The following AMDHD2 variants were observed in gnomAD, a reference collection of about 807,000 sequenced individuals.
AMDHD2 encodes N-acetylglucosamine-6-phosphate deacetylase.
A neutral mutation model predicts 41.8 loss-of-function variants in AMDHD2; 24 were observed. That is an observed-to-expected ratio of 0.57 (90% CI 0.42 to 0.81). The LOEUF (loss-of-function observed/expected upper bound fraction) is 0.81, where lower values mean the gene tolerates loss of function less well. Among genes scored for constraint, AMDHD2 ranks in the 30% least tolerant of loss-of-function variants. AMDHD2 has a pLI of 0.00. For missense variants in AMDHD2, 540 were observed against 588.5 expected (o/e 0.92, Z 0.85); for synonymous variants, 332 against 255.5 (o/e 1.30, Z -2.85).
chr16:2,521,160 C>T, intron 3 of AMDHD2, 37 bp downstream of exon 3: 1 of 1,514,640 alleles, frequency 6.6e-7, no homozygotes, highest in Non-Finnish European at 8.9e-7. Flanking sequence ...GGAGGGGGCT[C>T]CCGGAGCAAC....
intron 3 of AMDHD2, among the ~76,000 whole-genome samples, chr16:2,521,920 G>A (rs2065944683): frequency 6.6e-6 from 1 of 151,992 alleles, no homozygotes; most frequent in Non-Finnish European, 1.5e-5. Context: ...AAGTAGCTGG[G>A]ACTACAGGTG....
intron 3 of AMDHD2, among the ~76,000 whole-genome samples, chr16:2,526,146 AGGCTGCCT>A (rs527411304): frequency 0.013 from 1,940 of 152,118 alleles, 35 homozygotes; most frequent in African/African-American, 0.041. Context: ...AGGCTTGCCC[AGGCTGCCT>A]GCTGACCTTG....
At position 2,531,413 on chromosome 16, in the gene AMDHD2, C is replaced by T. The variant is rs529981026; in HGVS notation, c.*1850C>T. On this transcript the variant is annotated 3_prime_UTR_variant, in exon 11 of 11. Transcript: ENST00000293971. ...TAAAATACATAACAAAAGTAACTAT[C>T]GTAACCTGAGCAGTTCTGTGACATG... is the stretch of plus-strand genomic sequence containing the variant. 5.2e-5 allele frequency: 26 copies of T among 497,770 alleles called. No homozygotes were observed. Among genetic ancestry groups the T allele is most frequent in the Non-Finnish European group, 6.2e-5 (17 of 273,402 alleles). 30.8% of individuals were successfully genotyped at this position (497,770 alleles called of 1,614,324 possible). A position where few individuals can be genotyped will look rare whatever the true frequency, so the allele number is the denominator to read the frequency against.
Position 2,528,330 on chromosome 16 carries a change from C to T in AMDHD2, c.812C>T (p.Thr271Met), listed in dbSNP as rs746426124. 3.0e-5 allele frequency: 49 copies of T among 1,612,712 alleles called. No homozygotes were observed. Among genetic ancestry groups the T allele is most frequent in the African/African-American group, 1.3e-4 (10 of 74,926 alleles). The change falls in exon 7 of 11, where the codon ACG (threonine) becomes ATG (methionine). Residue 271 changes from threonine to methionine, a missense_variant. Transcript: ENST00000293971. ...CIFYGMIADG[T>M]HTNPAALRIA... ...TTCTATGGGATGATTGCAGATGGCA[C>T]GCACACCAACCCCGCCGCCCTGCGG...
Position 2,528,241 on chromosome 16 carries a change from C to T in AMDHD2, c.723C>T (p.His241=), listed in dbSNP as rs369056805. 6 of 1,611,852 alleles carry T rather than the reference C, an allele frequency of 3.7e-6. No homozygotes were observed. In the African/African-American group the frequency reaches 8.0e-5, roughly 22 times the overall value. ...THLFNAMLPF[H]HRDPGIVGLL... is the part of the protein sequence containing the mutation. ...CTTCCCTCGCCCCTGCCCAGTTCCA[C>T]CACCGCGACCCAGGCATCGTGGGGC... The change falls in exon 7 of 11, where the codon CAC becomes CAT. Residue 241 remains histidine, a synonymous_variant. Coordinates refer to ENST00000293971, the MANE Select transcript of AMDHD2 (RefSeq NM_001330449.2).
Position 2,520,418 on chromosome 16 carries a change from C to T in AMDHD2, c.-41C>T. ...CGTCACTGGGCGCGGGATTTGGCCGCCGCGGGGCTCCGGAGCCGCTCGCTC... is the reference window on the plus strand; with the variant it reads ...CGTCACTGGGCGCGGGATTTGGCCGTCGCGGGGCTCCGGAGCCGCTCGCTC... On this transcript the variant is annotated 5_prime_UTR_variant, in exon 1 of 11. Transcript: ENST00000293971. 3.3e-6 allele frequency: 4 copies of T among 1,222,098 alleles called. No homozygotes were observed. The highest frequency in any genetic ancestry group is 3.1e-6 in the Non-Finnish European group (3 of 978,364). The allele number at this position is 1,222,098 out of a possible 1,614,324, so 75.7% of individuals were successfully genotyped here.
Position 2,520,918 on chromosome 16 carries a change from GC to G in AMDHD2, c.220+15del. On this transcript the variant is annotated intron_variant, in intron 2 of 10. Coordinates refer to ENST00000293971, the MANE Select transcript of AMDHD2 (RefSeq NM_001330449.2). ...GTGCAGATCAACGGTGCGGCCCGGG[GC>G]CGGCAGGGGAACCCAGGGGAGGAGC... The G allele has an allele frequency of 6.3e-7, 1 of 1,598,762 alleles. No homozygotes were observed. Among genetic ancestry groups the G allele is most frequent in the Non-Finnish European group, 8.5e-7 (1 of 1,170,128 alleles).
Position 2,531,067 on chromosome 16 carries a change from T to A in AMDHD2, c.*1504T>A, listed in dbSNP as rs2066089014. ...GCTTGCTGGCTGTCAGTGCTTGATG[T>A]GCCCATCCTCAGCTAAAACCCAGAG... On this transcript the variant is annotated 3_prime_UTR_variant, in exon 11 of 11. Coordinates refer to ENST00000293971, the MANE Select transcript of AMDHD2 (RefSeq NM_001330449.2). 6 of 1,589,382 alleles carry A rather than the reference T, an allele frequency of 3.8e-6. No homozygotes were observed. The highest frequency in any genetic ancestry group is 4.3e-6 in the Non-Finnish European group (5 of 1,163,618).
At position 2,528,675 on chromosome 16, in the gene AMDHD2, A is replaced by T; in HGVS notation, c.996A>T (p.Ile332=). 6.2e-7 allele frequency: 1 copy of T among 1,612,882 alleles called. No individual in the cohort carries two copies. The highest frequency in any genetic ancestry group is 8.5e-7 in the Non-Finnish European group (1 of 1,179,962). The change falls in exon 9 of 11, where the codon ATA becomes ATT. Residue 332 remains isoleucine, a synonymous_variant. Transcript: ENST00000293971. ...GCACCAAGACGCTGAGTGGCAGCATAGCCCCAATGGACGTCTGTGTCCGGC... is the reference window on the plus strand; with the variant it reads ...GCACCAAGACGCTGAGTGGCAGCATTGCCCCAATGGACGTCTGTGTCCGGC... ...VAGTKTLSGS[I]APMDVCVRHF... is the part of the protein sequence containing the mutation.
In AMDHD2 at chr16:2,521,228, G is replaced by C. The variant is rs1596988889; in HGVS notation, c.360+105G>C. The C allele has an allele frequency of 9.4e-6, 13 of 1,376,290 alleles. No homozygotes were observed. In the East Asian group the frequency reaches 3.5e-4, roughly 37 times the overall value. The allele number at this position is 1,376,290 out of a possible 1,614,324, so 85.3% of individuals were successfully genotyped here. ...CCCCACCCCCAGCACGTATTCCATG[G>C]TCCTGAGTCTGGCCTCCTTTGATGA... On this transcript the variant is annotated intron_variant, in intron 3 of 10. Transcript: ENST00000293971.
Position 2,528,565 on chromosome 16 carries a change from C to T in AMDHD2, c.970+6C>T, listed in dbSNP as rs1470468471. The T allele has an allele frequency of 6.2e-6, 10 of 1,612,384 alleles. No homozygotes were observed. The highest frequency in any genetic ancestry group is 1.7e-5 in the Admixed American group (1 of 59,984). Reference sequence around the variant, plus strand: ...TCTGACGGCCTACGTGGCAGGTGAGCGCCCTGACCCACTGGGTCCCAGGTC... The same window carrying T: ...TCTGACGGCCTACGTGGCAGGTGAGTGCCCTGACCCACTGGGTCCCAGGTC... On this transcript the variant is annotated splice_donor_region_variant and intron_variant, in intron 8 of 10. Coordinates refer to ENST00000293971, the MANE Select transcript of AMDHD2 (RefSeq NM_001330449.2).
intron 3 of AMDHD2, among the ~76,000 whole-genome samples, chr16:2,524,035 G>T (rs1360874264): frequency 1.3e-5 from 2 of 152,210 alleles, no homozygotes; most frequent in East Asian, 1.9e-4. Context: ...TGCAGTGCAG[G>T]TGTCTTAACC....
At position 2,530,010 on chromosome 16, in the gene AMDHD2, C is replaced by T; in HGVS notation, c.*447C>T. On this transcript the variant is annotated 3_prime_UTR_variant, in exon 11 of 11. Coordinates refer to ENST00000293971, the MANE Select transcript of AMDHD2 (RefSeq NM_001330449.2). ...GGGTGAAGAGCCGGCAGGAAGGGGA[C>T]CAGTCACAGGGAGTGTGGACAGTCA... 1.4e-6 allele frequency: 1 copy of T among 731,034 alleles called. No homozygotes were observed. The highest frequency in any genetic ancestry group is 2.1e-6 in the Non-Finnish European group (1 of 466,866). 45.3% of individuals were successfully genotyped at this position (731,034 alleles called of 1,614,324 possible).
Position 2,530,193 on chromosome 16 carries a change from TG to T in AMDHD2, c.*631del. On this transcript the variant is annotated 3_prime_UTR_variant, in exon 11 of 11. Coordinates refer to ENST00000293971, the MANE Select transcript of AMDHD2 (RefSeq NM_001330449.2). ...GCTCCCTGGACTGCCTAGCCCTGAG[TG>T]CCACGGATGACCAGCGTTCTGTTTT... 3 of 1,494,952 alleles carry T rather than the reference TG, an allele frequency of 2.0e-6. No homozygotes were observed. Among genetic ancestry groups the T allele is most frequent in the Non-Finnish European group, 2.7e-6 (3 of 1,121,838 alleles). 92.6% of individuals were successfully genotyped at this position (1,494,952 alleles called of 1,614,324 possible).
At chr16:2,528,810 C>T (rs1464581921) in intron 9 of AMDHD2, 92 bp downstream of exon 9, 4 of 1,579,648 alleles carry the variant, frequency 2.5e-6, no homozygotes, top group Admixed American at 1.9e-5. Context: ...AGCCCAAGCT[C>T]TGCCCACAGG....
chr16:2,520,641 G>A (rs2065921284), intron 1 of AMDHD2, 100 bp downstream of exon 1: 1 of 1,122,986 alleles, frequency 8.9e-7, no homozygotes, highest in Non-Finnish European at 1.1e-6. Context: ...CGGGGACAGG[G>A]CGGGGTGCAG....
rs747749604 is a variant in AMDHD2 at position 2,530,780 on chromosome 16, A to AC, written c.*1218dup. ...CCTGAGGGAGGGCCTGGGGCAGGGC[A>AC]CAAGGGGTTGATCTCAGCCCACAAG... is the stretch of plus-strand genomic sequence containing the variant. On this transcript the variant is annotated 3_prime_UTR_variant, in exon 11 of 11. Coordinates refer to ENST00000293971, the MANE Select transcript of AMDHD2 (RefSeq NM_001330449.2). 8 of 1,613,566 alleles carry AC rather than the reference A, an allele frequency of 5.0e-6. No individual in the cohort carries two copies. The highest frequency in any genetic ancestry group is 6.8e-6 in the Non-Finnish European group (8 of 1,179,976).
chr16:2,524,313 C>T (rs1013941547), intron 3 of AMDHD2, among the ~76,000 whole-genome samples: 7 of 152,250 alleles, frequency 4.6e-5, no homozygotes, highest in South Asian at 2.1e-4. Flanking sequence ...TCCTTTGCTA[C>T]GGTACTTGGA....
rs2066044003 is a variant in AMDHD2 at position 2,528,773 on chromosome 16, A to G, written c.1039+55A>G. The stretch of plus-strand genomic sequence containing the variant: ...GTGGTCTGTGAGTGGTGGGTCCCCA[A>G]GGGGCTGGACCGGGTGCCCGGACTG... On this transcript the variant is annotated intron_variant, in intron 9 of 10. Transcript: ENST00000293971. 3.7e-6 allele frequency: 6 copies of G among 1,601,530 alleles called. No individual in the cohort carries two copies. The Admixed American group carries it at 5.3e-5, about 14-fold the overall frequency.
Sources: gnomAD v4.1 joint callset for allele counts (sites outside exome capture counted in the v4.1 genomes callset) on GRCh38, gnomAD v4.1.1 for gene constraint, MANE v1.5 for transcripts, NCBI Gene and HGNC (gene_info 2026-07-23, HGNC 2026-07-21) for gene names.